ING3: variants seen among roughly 807,000 people sequenced by gnomAD.
ING3 encodes the protein inhibitor of growth family member 3.
ING3 carries 6 observed loss-of-function variants against 64.8 expected under a neutral mutation model. The observed-to-expected ratio is 0.09, with a 90% CI of 0.05 to 0.18. The LOEUF is 0.18. Among genes scored for constraint, ING3 ranks in the 10% least tolerant of loss-of-function variants. The pLI is 1.00. For missense variants in ING3, 310 were observed against 489.7 expected (o/e 0.63, Z 3.46); for synonymous variants, 170 against 173.7 (o/e 0.98, Z 0.17).
chr7:120,967,593 A>G lies in ING3; in HGVS notation c.501A>G (p.Lys167=), dbSNP rs138528650. Residue 167 remains lysine (K), a synonymous_variant, in exon 7 of 12, where the codon AAA becomes AAG. Transcript: ENST00000315870. ...ATCATATTCCTGAAAAGAAATTTAA[A>G]TCTGAAGCTCTTCTATCCACCCTTA... ...TTDHIPEKKF[K]SEALLSTLTS... is the part of the protein sequence containing the mutation. 2.5e-6 allele frequency: 4 copies of G among 1,606,076 alleles called. No individual in the cohort carries two copies. In the African/African-American group the frequency reaches 5.4e-5, roughly 21 times the overall value.
At position 120,953,337 on chromosome 7, in the gene ING3, A is replaced by C; in HGVS notation, c.134A>C (p.Glu45Ala). Reference sequence around the variant, plus strand: ...GATCAACTAGAACAAAGAGTCAGTGAATTCTTTATGAATGCAAAGAAAAAT... The same window carrying C: ...GATCAACTAGAACAAAGAGTCAGTGCATTCTTTATGAATGCAAAGAAAAAT... ...AMDQLEQRVS[E>A]FFMNAKKNKP... The change falls in exon 3 of 12, where the codon GAA (glutamate) becomes GCA (alanine). Residue 45 changes from glutamate (E) to alanine (A), a missense_variant. Glu to Ala is a moderately radical substitution (Grantham distance 107). Transcript: ENST00000315870. The C allele has an allele frequency of 6.2e-7, 1 of 1,605,694 alleles. No individual in the cohort carries two copies. The highest frequency in any genetic ancestry group is 1.1e-5 in the South Asian group (1 of 89,248).
Position 120,951,195 on chromosome 7 carries a change from C to T in ING3, c.60C>T (p.Asp20=), listed in dbSNP as rs114383422. The T allele has an allele frequency of 2.7e-4, 431 of 1,614,170 alleles. 1 individual carries two copies. In the African/African-American group the frequency reaches 5.5e-3, roughly 20 times the overall value. ...MIEQLPMDLR[D]RFTEMREMDL... ...AGCAGCTTCCTATGGATCTGCGGGACCGCTTCACGGAAATGCGCGAGATGG... is the reference window on the plus strand; with the variant it reads ...AGCAGCTTCCTATGGATCTGCGGGATCGCTTCACGGAAATGCGCGAGATGG... Residue 20 remains aspartate (D), a synonymous_variant, in exon 2 of 12, where the codon GAC becomes GAT. Transcript: ENST00000315870.
chr7:120,968,400 C>A (rs1796025148), intron 8 of ING3, among the ~76,000 whole-genome samples: 1 of 152,170 alleles, frequency 6.6e-6, no homozygotes, highest in Non-Finnish European at 1.5e-5. Flanking sequence ...TTCGTTCTTT[C>A]TGCCAGTTCC....
At chr7:120,951,415 C>G (rs1020663887) in intron 2 of ING3, among the ~76,000 whole-genome samples, 180 bp downstream of exon 2, 7 of 152,316 alleles carry the variant, frequency 4.6e-5, no homozygotes, top group East Asian at 1.9e-4. Context: ...TCCCATGCTA[C>G]TTTTTTCTGG....
chr7:120,967,129 T>G, intron 6 of ING3, among the ~76,000 whole-genome samples: 1 of 152,136 alleles, frequency 6.6e-6, no homozygotes, highest in East Asian at 1.9e-4. Context: ...AGTCAGTGAG[T>G]GGATGAATTG....
chr7:120,953,207 T>G, intron 2 of ING3, 97 bp from the exon 3 acceptor site: 1 of 606,552 alleles, frequency 1.6e-6, no homozygotes. Context: ...GGTGAAAGAG[T>G]GTGTATTGTC....
In ING3 at chr7:120,967,890, A is replaced by T. The variant is rs746299836; in HGVS notation, c.557-44A>T. On this transcript the variant is annotated intron_variant, in intron 7 of 11. Transcript: ENST00000315870. The stretch of plus-strand genomic sequence containing the variant: ...AATGTAATTTAGACTCACTAACATT[A>T]TGTTCTCTGCAACCATTTTTATTTC... 5 of 1,594,134 alleles carry T rather than the reference A, an allele frequency of 3.1e-6. No homozygotes were observed. The Admixed American group carries it at 5.0e-5, about 16-fold the overall frequency.
rs921898339 is a variant in ING3 at position 120,966,546 on chromosome 7, C to G, written c.365-80C>G. On this transcript the variant is annotated intron_variant, in intron 5 of 11. Transcript: ENST00000315870. ...TAGTCCTCTGCTGGGTAAGGGAACT[C>G]ATTGCCTGTAGTTGAGTGACATGTG... 4 of 1,035,610 alleles carry G rather than the reference C, an allele frequency of 3.9e-6. No homozygotes were observed. The Admixed American group carries it at 6.7e-5, about 17-fold the overall frequency. The allele number at this position is 1,035,610 out of a possible 1,614,324, so 64.2% of individuals were successfully genotyped here. A position where few individuals can be genotyped will look rare whatever the true frequency, so the allele number is the denominator to read the frequency against.
chr7:120,970,232 G>A (rs577044150), intron 9 of ING3, among the ~76,000 whole-genome samples: 8 of 152,180 alleles, frequency 5.3e-5, no homozygotes, highest in East Asian at 1.9e-4. Flanking sequence ...TTGGGAGGCC[G>A]AGGTGGGCAG....
chr7:120,970,247 C>T (rs574114249), intron 9 of ING3, among the ~76,000 whole-genome samples: 210 of 151,984 alleles, frequency 1.4e-3, no homozygotes, highest in Non-Finnish European at 2.7e-3. Context: ...GGGCAGATCA[C>T]GAGGTCAGGA....
rs961181422 is a variant in ING3, at chr7:120,967,916, T to C, written c.557-18T>C. ...TGTTCTCTGCAACCATTTTTATTTC[T>C]TTTTTACATCTACACAGGTTGTCGA... On this transcript the variant is annotated intron_variant, in intron 7 of 11. Transcript: ENST00000315870. The C allele has an allele frequency of 6.2e-7, 1 of 1,612,058 alleles. No homozygotes were observed. Among genetic ancestry groups the C allele is most frequent in the Middle Eastern group, 1.7e-4 (1 of 6,056 alleles).
intron 3 of ING3, among the ~76,000 whole-genome samples, chr7:120,954,132 G>T (rs941883335): frequency 6.6e-6 from 1 of 151,948 alleles, no homozygotes; most frequent in Non-Finnish European, 1.5e-5. Flanking sequence ...ATTGTTCAAG[G>T]ATCAACTAAG....
chr7:120,973,272 T>A, intron 11 of ING3, 29 bp downstream of exon 11: 2 of 1,432,928 alleles, frequency 1.4e-6, no homozygotes, highest in Middle Eastern at 1.8e-4. Flanking sequence ...TATTTAGGAA[T>A]GAAAAAAATC....
intron 4 of ING3, among the ~76,000 whole-genome samples, chr7:120,957,571 T>G (rs950387689): frequency 2.8e-4 from 43 of 152,276 alleles, no homozygotes; most frequent in Middle Eastern, 3.4e-3. Context: ...TACTGATTTC[T>G]TAGAGGGTAT....
At chr7:120,955,466 C>A in intron 3 of ING3, 93 bp from the exon 4 acceptor site, 1 of 840,948 alleles carries the variant, frequency 1.2e-6, no homozygotes, top group Non-Finnish European at 1.9e-6. Flanking sequence ...ACTGTGATAA[C>A]AAGATATGAT....
At chr7:120,969,594 C>T (rs1796041353) in intron 9 of ING3, among the ~76,000 whole-genome samples, 1 of 151,066 alleles carries the variant, frequency 6.6e-6, no homozygotes, top group South Asian at 2.1e-4. Flanking sequence ...CAAGATTTTT[C>T]ATTTTGATTA....
chr7:120,964,891 G>C, intron 5 of ING3, 53 bp downstream of exon 5: 10 of 1,401,436 alleles, frequency 7.1e-6, no homozygotes, highest in Non-Finnish European at 1.0e-5. Flanking sequence ...TGTGCAAATC[G>C]CTGAGAAGAC....
chr7:120,956,627 A>G (rs1795851766), intron 4 of ING3: 4 of 988,182 alleles, frequency 4.0e-6, no homozygotes, highest in African/African-American at 3.5e-5. Flanking sequence ...AAAATTTCAT[A>G]AAAGACACTG....
chr7:120,959,024 C>T lies in ING3; in HGVS notation c.267+3400C>T, dbSNP rs543220872. ...ACTGACCCTATTGGTAAATTTAATGCTTATTGCCATTCGTTTTGTCTTGCC... is the reference window on the plus strand; with the variant it reads ...ACTGACCCTATTGGTAAATTTAATGTTTATTGCCATTCGTTTTGTCTTGCC... On this transcript the variant is annotated intron_variant, in intron 4 of 11. Transcript: ENST00000315870. Among the ~76,000 whole-genome samples, 27 of 152,314 alleles carry T rather than the reference C, an allele frequency of 1.8e-4. No homozygotes were observed. In the South Asian group the frequency reaches 5.0e-3, roughly 28 times the overall value.
Sources: allele counts gnomAD v4.1 joint callset (sites outside exome capture counted in the v4.1 genomes callset), GRCh38; gene constraint gnomAD v4.1.1; transcripts MANE v1.5; gene names NCBI Gene and HGNC (gene_info 2026-07-23, HGNC 2026-07-21).